KMT2C: variants seen among roughly 807,000 people sequenced by gnomAD.
KMT2C encodes histone-lysine N-methyltransferase 2C.
Under a neutral mutation model 507.9 loss-of-function variants are expected in KMT2C, and 88 were observed. The ratio of observed to expected loss-of-function variants is 0.17; its 90% CI spans 0.15 to 0.21. The LOEUF (loss-of-function observed/expected upper bound fraction) is 0.21, where lower values mean the gene tolerates loss of function less well. Among genes scored for constraint, KMT2C ranks in the 10% least tolerant of loss-of-function variants. KMT2C has a pLI of 1.00. For synonymous variants in KMT2C, 2,049 were observed against 2,080.8 expected, an observed-to-expected ratio of 0.98 and a Z score of 0.42; for missense variants, 4,954 against 5,957.8, an observed-to-expected ratio of 0.83 and a Z score of 5.55.
chr7:152,201,415 T>A (rs1009754502), intron 26 of KMT2C, among the ~76,000 whole-genome samples: 1 of 151,700 alleles, frequency 6.6e-6, no homozygotes, highest in African/African-American at 2.4e-5. Flanking sequence ...TTAGACCTAA[T>A]AATTTTAAAG....
rs78528531 is a variant in KMT2C, at chr7:152,366,314, T to C, written c.162-7639A>G. 2.2e-4 allele frequency among the ~76,000 whole-genome samples: 34 copies of C among 152,316 alleles called. No homozygotes were observed. The East Asian group carries it at 6.5e-3, about 29-fold the overall frequency. ...ACACCCATGTTCACAGCAGCATTATTCACAATAAATAAAACATAATTAACA... is the reference window on the plus strand; with the variant it reads ...ACACCCATGTTCACAGCAGCATTATCCACAATAAATAAAACATAATTAACA... On this transcript the variant is annotated intron_variant, in intron 1 of 58. Coordinates refer to ENST00000262189, the MANE Select transcript of KMT2C (RefSeq NM_170606.3).
At chr7:152,205,060 A>C in intron 25 of KMT2C, 46 bp downstream of exon 25, 1 of 1,284,434 alleles carries the variant, frequency 7.8e-7, no homozygotes. Context: ...ATCAAGACCA[A>C]AGGGTTACAT....
Position 152,229,991 on chromosome 7 carries a change from C to T in KMT2C, c.2908G>A (p.Ala970Thr), listed in dbSNP as rs2095059597. 1 of 1,610,922 alleles carries T rather than the reference C, an allele frequency of 6.2e-7. No individual in the cohort carries two copies. The highest frequency in any genetic ancestry group is 1.7e-5 in the Admixed American group (1 of 60,006). Reference protein sequence around the residue: ...CVVCGSFGQGAEGRLLACSQC... With the variant: ...CVVCGSFGQGTEGRLLACSQC... ...GAACAGGCAAGTAATCTTCCTTCTG[C>T]TCCTTGGCCAAAACTGCCACAAACT... Residue 970 changes from alanine to threonine, a missense_variant, in exon 18 of 59, where the codon GCA becomes ACA. Physicochemically the swap from Ala to Thr is moderately conservative, Grantham distance 58 (BLOSUM62 0). Around this residue, in one of 29 missense-constraint regions of KMT2C, gnomAD observed 4 missense variants for 69.2 expected, o/e 0.06. Coordinates refer to ENST00000262189, the MANE Select transcript of KMT2C (RefSeq NM_170606.3).
intron 1 of KMT2C, among the ~76,000 whole-genome samples, chr7:152,420,342 T>C (rs576552879): frequency 1.3e-5 from 2 of 152,308 alleles, no homozygotes; most frequent in South Asian, 2.1e-4. Context: ...CCACTAAGAA[T>C]TGGGATCCTT....
chr7:152,400,689 T>G (rs963293080), intron 1 of KMT2C, among the ~76,000 whole-genome samples: 1 of 152,252 alleles, frequency 6.6e-6, no homozygotes, highest in Non-Finnish European at 1.5e-5. Flanking sequence ...CAAAACTTTA[T>G]TTCTCACATA....
At chr7:152,415,652 G>A (rs796149317) in intron 1 of KMT2C, among the ~76,000 whole-genome samples, 6 of 152,088 alleles carry the variant, frequency 3.9e-5, no homozygotes, top group East Asian at 1.9e-4. Flanking sequence ...AGGCCGAGGC[G>A]GGTGGATCAT....
intron 2 of KMT2C, among the ~76,000 whole-genome samples, chr7:152,353,036 C>A (rs1017329506): frequency 6.6e-6 from 1 of 152,016 alleles, no homozygotes; most frequent in East Asian, 1.9e-4. Context: ...AAAAAAGTTT[C>A]TCTTCTCTTC....
At chr7:152,375,190 G>A (rs1384220559) in intron 1 of KMT2C, among the ~76,000 whole-genome samples, 4 of 152,004 alleles carry the variant, frequency 2.6e-5, no homozygotes, top group Non-Finnish European at 4.4e-5. Context: ...CTACAGGCAC[G>A]TGCCACCACA....
rs186567497 is a variant in KMT2C, at chr7:152,193,699, C to G, written c.4660+310G>C. ...GGGGACAGTTCCACACACACACACA[C>G]AGCAAGTGCCTATGTGGCAAATGAC... On this transcript the variant is annotated intron_variant, in intron 31 of 58. Transcript: ENST00000262189. Among the ~76,000 whole-genome samples, 58 of 152,238 alleles carry G rather than the reference C, an allele frequency of 3.8e-4. No homozygotes were observed. The East Asian group carries it at 0.01, about 27-fold the overall frequency.
chr7:152,259,433 GACACAC>G (rs1426757158), intron 9 of KMT2C, among the ~76,000 whole-genome samples: 1 of 112,784 alleles, frequency 8.9e-6, no homozygotes, highest in South Asian at 2.8e-4. Flanking sequence ...CAAAAACACA[GACACAC>G]ACACGCGCAC....
chr7:152,331,024 T>C (rs765762650), intron 2 of KMT2C, among the ~76,000 whole-genome samples: 2 of 152,166 alleles, frequency 1.3e-5, no homozygotes, highest in Non-Finnish European at 2.9e-5. Flanking sequence ...GTTAAGAATC[T>C]TGGCCAGGCA....
chr7:152,290,197 A>T (rs1304481515), intron 6 of KMT2C, among the ~76,000 whole-genome samples: 11 of 137,302 alleles, frequency 8.0e-5, no homozygotes, highest in African/African-American at 2.9e-4. Context: ...ATTGCAAGGT[A>T]GTCTAATAAA....
At chr7:152,395,409 G>A (rs1010850087) in intron 1 of KMT2C, among the ~76,000 whole-genome samples, 3 of 151,848 alleles carry the variant, frequency 2.0e-5, no homozygotes, top group Non-Finnish European at 2.9e-5. Context: ...GACTGGTCTC[G>A]AACTCCTGTG....
chr7:152,331,476 G>A (rs982711585), intron 2 of KMT2C, among the ~76,000 whole-genome samples: 1 of 151,564 alleles, frequency 6.6e-6, no homozygotes, highest in Non-Finnish European at 1.5e-5. Context: ...AAGCATAGTG[G>A]CACACACCTG....
At chr7:152,262,570 G>A (rs2095797523) in intron 9 of KMT2C, among the ~76,000 whole-genome samples, 1 of 152,176 alleles carries the variant, frequency 6.6e-6, no homozygotes, top group South Asian at 2.1e-4. Context: ...ACCAACAGGT[G>A]ATTCAATACA....
intron 10 of KMT2C, 23 bp downstream of exon 10, chr7:152,252,523 G>A (rs778154285): frequency 6.3e-7 from 1 of 1,593,106 alleles, no homozygotes; most frequent in Non-Finnish European, 8.6e-7. Context: ...CAAAACAACT[G>A]AATAGAATAA....
In KMT2C at chr7:152,177,137, C is replaced by T. The variant is rs2129114270; in HGVS notation, c.8316G>A (p.Met2772Ile). The T allele has an allele frequency of 6.2e-7, 1 of 1,613,576 alleles. No individual in the cohort carries two copies. The highest frequency in any genetic ancestry group is 8.5e-7 in the Non-Finnish European group (1 of 1,179,938). ...TTGGAAGGTCTAGTTCCTCATTAAA[C>T]ATGCTTTTCTTATCTCCCATGTCAA... ...PELDMGDKKS[M>I]FNEELDLPID... Residue 2772 changes from methionine (M) to isoleucine (I), a missense_variant, in exon 38 of 59, where the codon ATG becomes ATA. Physicochemically the swap from Met to Ile is conservative, Grantham distance 10 (BLOSUM62 1). Coordinates refer to ENST00000262189, the MANE Select transcript of KMT2C (RefSeq NM_170606.3).
rs1378201928 is a variant in KMT2C, at chr7:152,249,917, T to G, written c.1772A>C (p.His591Pro). Reference sequence around the variant, plus strand: ...ATCTGTGTCAAGACTTTCTGAGGGATGACTCTTCTGTTGCTCTTCAGTGTG... The same window carrying G: ...ATCTGTGTCAAGACTTTCTGAGGGAGGACTCTTCTGTTGCTCTTCAGTGTG... ...QVHTEEQQKSHPSESLDTDSL... is the reference protein window; with the variant it reads ...QVHTEEQQKSPPSESLDTDSL... The change falls in exon 13 of 59, where the codon CAT becomes CCT. Residue 591 changes from histidine to proline, a missense_variant. Physicochemically the swap from His to Pro is moderately conservative, Grantham distance 77. Transcript: ENST00000262189. 6.2e-7 allele frequency: 1 copy of G among 1,610,682 alleles called. No individual in the cohort carries two copies. The highest frequency in any genetic ancestry group is 1.7e-5 in the Admixed American group (1 of 59,984).
chr7:152,184,067 C>T (rs2093533711), intron 34 of KMT2C, among the ~76,000 whole-genome samples: 1 of 116,988 alleles, frequency 8.5e-6, no homozygotes, highest in Non-Finnish European at 1.7e-5. Flanking sequence ...TGTGAAGCTC[C>T]ATCTCAAAAA....
Sources: allele counts gnomAD v4.1 joint callset (sites outside exome capture counted in the v4.1 genomes callset), GRCh38; gene constraint gnomAD v4.1.1; regional missense constraint gnomAD v4.1.1; transcripts MANE v1.5; gene names NCBI Gene and HGNC (gene_info 2026-07-23, HGNC 2026-07-21).